The following CCDC149 variants were observed in gnomAD, a reference collection of about 807,000 sequenced individuals.
CCDC149 encodes the protein coiled-coil domain containing 149.
CCDC149 carries 45 observed loss-of-function variants against 59.9 expected under a neutral mutation model. The ratio of observed to expected loss-of-function variants is 0.75; its 90% CI spans 0.59 to 0.96. The LOEUF (loss-of-function observed/expected upper bound fraction) is 0.96. Among genes scored for constraint, CCDC149 ranks in the 40% least tolerant of loss-of-function variants. The pLI is 0.00. For missense variants in CCDC149, 584 were observed against 664.7 expected (o/e 0.88, Z 1.33); for synonymous variants, 245 against 260.6 (o/e 0.94, Z 0.58).
At chr4:24,907,429 A>C (rs1437595604) in intron 1 of CCDC149, among the ~76,000 whole-genome samples, 3 of 152,158 alleles carry the variant, frequency 2.0e-5, no homozygotes, top group African/African-American at 7.2e-5. Flanking sequence ...GGCTCTGAAC[A>C]CAACTCCAGG....
intron 1 of CCDC149, among the ~76,000 whole-genome samples, chr4:24,936,064 A>G (rs1316547110): frequency 6.6e-6 from 1 of 152,218 alleles, no homozygotes; most frequent in Admixed American, 6.5e-5. Context: ...TAGTCAACTC[A>G]GATGAGAAGT....
intron 9 of CCDC149, chr4:24,828,080 C>T (rs1395854688): frequency 6.6e-6 from 1 of 152,002 alleles, no homozygotes; most frequent in African/African-American, 2.4e-5. Context: ...TAATTAGTTT[C>T]TTTACATGCC....
At chr4:24,853,366 A>T in intron 3 of CCDC149, 187 bp from the exon 4 acceptor site, 1 of 579,858 alleles carries the variant, frequency 1.7e-6, no homozygotes. Context: ...CAGGAAAATG[A>T]AGTTGGCCAT....
chr4:24,837,090 C>T lies in CCDC149; in HGVS notation c.662+138G>A. On this transcript the variant is annotated intron_variant, in intron 6 of 12. Transcript: ENST00000635206. This position sits in a 1 kb window ranked among gnomAD's most constrained non-coding sequence, Gnocchi z 4.3. ...AACTAATACATGGCATTGATGTCAT[C>T]ATTTCGGGGGAGTGAGTTTCTTTTC... 1 of 780,822 alleles carries T rather than the reference C, an allele frequency of 1.3e-6. No individual in the cohort carries two copies. The highest frequency in any genetic ancestry group is 2.0e-6 in the Non-Finnish European group (1 of 495,578). 48.4% of individuals were successfully genotyped at this position (780,822 alleles called of 1,614,324 possible). A position where few individuals can be genotyped will look rare whatever the true frequency, so the allele number is the denominator to read the frequency against.
At chr4:24,901,583 A>C (rs1721173417) in intron 1 of CCDC149, among the ~76,000 whole-genome samples, 1 of 152,194 alleles carries the variant, frequency 6.6e-6, no homozygotes, top group South Asian at 2.1e-4. Context: ...TTTCCCCCAC[A>C]CACTAATTTT....
At chr4:24,849,451 A>T (rs919690826) in intron 4 of CCDC149, among the ~76,000 whole-genome samples, 1 of 152,102 alleles carries the variant, frequency 6.6e-6, no homozygotes, top group African/African-American at 2.4e-5. Context: ...ATTCCTGCGC[A>T]CTGGACAGAG....
intron 8 of CCDC149, among the ~76,000 whole-genome samples, chr4:24,833,270 C>A (rs1449988184): frequency 2.0e-5 from 3 of 148,548 alleles, no homozygotes; most frequent in Non-Finnish European, 4.5e-5. Flanking sequence ...CAATATTATT[C>A]ATCATTAATA....
chr4:24,845,799 C>T (rs767867594), intron 4 of CCDC149, among the ~76,000 whole-genome samples: 10 of 152,184 alleles, frequency 6.6e-5, no homozygotes, highest in Admixed American at 2.6e-4. Context: ...AACTAAGGCA[C>T]GAAGAAGTCA....
chr4:24,923,625 A>G (rs1310875141), intron 1 of CCDC149, among the ~76,000 whole-genome samples: 1 of 152,220 alleles, frequency 6.6e-6, no homozygotes, highest in East Asian at 1.9e-4. Context: ...ACAGGTGAAA[A>G]CAAAAGAACT....
chr4:24,969,352 T>G (rs1339102528), intron 1 of CCDC149, among the ~76,000 whole-genome samples: 1 of 152,184 alleles, frequency 6.6e-6, no homozygotes, highest in Non-Finnish European at 1.5e-5. Context: ...GAACACCATC[T>G]GGGCCCTGCA....
At chr4:24,866,210 G>A (rs561644739) in intron 3 of CCDC149, among the ~76,000 whole-genome samples, 8 of 152,210 alleles carry the variant, frequency 5.3e-5, no homozygotes, top group Middle Eastern at 3.4e-3. Flanking sequence ...ATCTTGGTGC[G>A]TGTCACTGTC....
intron 1 of CCDC149, among the ~76,000 whole-genome samples, chr4:24,972,306 T>TCTTTC (rs1255103032): frequency 6.6e-5 from 10 of 151,504 alleles, no homozygotes; most frequent in Non-Finnish European, 1.2e-4. Context: ...TCTTTTCTTT[T>TCTTTC]CTTTTCTTTT....
At chr4:24,836,339 T>C (rs1716516493) in intron 7 of CCDC149, 97 bp downstream of exon 7, 1 of 829,424 alleles carries the variant, frequency 1.2e-6, no homozygotes, top group Admixed American at 1.9e-5. Context: ...GGCAGGCAAG[T>C]ACTAAAATAT....
chr4:24,836,639 A>C (rs1716546719), intron 6 of CCDC149, 131 bp from the exon 7 acceptor site: 1 of 606,344 alleles, frequency 1.6e-6, no homozygotes, highest in Non-Finnish European at 3.0e-6. Flanking sequence ...TTGCCTGCTC[A>C]CCAGAGAGGA....
chr4:24,889,104 A>C lies in CCDC149; in HGVS notation c.64-12407T>G, dbSNP rs577808357. 3.3e-5 allele frequency among the ~76,000 whole-genome samples: 5 copies of C among 152,252 alleles called. No individual in the cohort carries two copies. In the South Asian group the frequency reaches 1.0e-3, roughly 32 times the overall value. ...AGTAGCTGGGGGGTATGTGAAATTC[A>C]CTGACAGTCTTGGCTAACCGAAGTT... On this transcript the variant is annotated intron_variant, in intron 1 of 12. Transcript: ENST00000635206.
intron 1 of CCDC149, among the ~76,000 whole-genome samples, chr4:24,931,329 A>C (rs184762899): frequency 6.8e-6 from 1 of 146,110 alleles, no homozygotes; most frequent in Non-Finnish European, 1.5e-5. Flanking sequence ...ATATATATAT[A>C]TATCTCAGTA....
At chr4:24,813,973 G>A (rs1384056768) in intron 12 of CCDC149, among the ~76,000 whole-genome samples, 1 of 152,174 alleles carries the variant, frequency 6.6e-6, no homozygotes, top group Non-Finnish European at 1.5e-5. Context: ...GCTGAGTAAG[G>A]TGGGTCTTGG....
rs548261397 is a variant in CCDC149 at position 24,836,001 on chromosome 4, G to C, written c.735+435C>G. Among the ~76,000 whole-genome samples the C allele has an allele frequency of 4.6e-5, 7 of 152,322 alleles. No homozygotes were observed. In the South Asian group the frequency reaches 8.3e-4, roughly 18 times the overall value. On this transcript the variant is annotated intron_variant, in intron 7 of 12. Transcript: ENST00000635206. ...ACATGAACATGATGGTTTAGACTGT[G>C]CCTTCCCAATCTTTGTTTCTTCATC...
intron 1 of CCDC149, among the ~76,000 whole-genome samples, chr4:24,896,010 C>T (rs1298231057): frequency 1.3e-5 from 2 of 152,196 alleles, no homozygotes; most frequent in Non-Finnish European, 2.9e-5. Flanking sequence ...CAAGGGCTGC[C>T]GCCTCTTGTC....
Sources: gnomAD v4.1 joint callset for allele counts (sites outside exome capture counted in the v4.1 genomes callset) on GRCh38, gnomAD v4.1.1 for gene constraint, Gnocchi (gnomAD v3.1) non-coding constraint, MANE v1.5 for transcripts, NCBI Gene and HGNC (gene_info 2026-07-23, HGNC 2026-07-21) for gene names.